TRPM6: variants seen among roughly 807,000 people sequenced by gnomAD.
TRPM6 encodes the protein transient receptor potential cation channel subfamily M member 6.
TRPM6 carries 111 observed loss-of-function variants against 247.6 expected under a neutral mutation model. The observed-to-expected ratio is 0.45, with a 90% CI of 0.38 to 0.52. The LOEUF (loss-of-function observed/expected upper bound fraction) is 0.52. Among genes scored for constraint, TRPM6 ranks in the 20% least tolerant of loss-of-function variants. The probability of loss-of-function intolerance (pLI) is 0.00; values close to 1 mark genes in which losing one functional copy is unlikely to be tolerated. For synonymous variants in TRPM6, 892 were observed against 853.8 expected, an observed-to-expected ratio of 1.04 and a Z score of -0.78; for missense variants, 2,126 against 2,421.5, an observed-to-expected ratio of 0.88 and a Z score of 2.56.
Position 74,801,947 on chromosome 9 carries a change from C to G in TRPM6, c.1960G>C (p.Glu654Gln), listed in dbSNP as rs1289919720. ...GAGGCATCATCCACCATGTGACTCTCCTTAGCTTCATGGGCCATTGCCCGG... is the reference window on the plus strand; with the variant it reads ...GAGGCATCATCCACCATGTGACTCTGCTTAGCTTCATGGGCCATTGCCCGG... ...LYRAMAHEAK[E>Q]SHMVDDASEE... Residue 654 changes from glutamate to glutamine, a missense_variant, in exon 16 of 39, where the codon GAG becomes CAG. Physicochemically the swap from Glu to Gln is conservative, Grantham distance 29 (BLOSUM62 2). Around this residue, in one of 3 missense-constraint regions of TRPM6, gnomAD observed 1,082 missense variants for 1,307.9 expected, o/e 0.83. Coordinates refer to ENST00000360774, the MANE Select transcript of TRPM6 (RefSeq NM_017662.5). 3 of 1,614,242 alleles carry G rather than the reference C, an allele frequency of 1.9e-6. No individual in the cohort carries two copies. In the East Asian group the frequency reaches 6.7e-5, roughly 36 times the overall value.
At chr9:74,855,815 T>A (rs1223251997) in intron 2 of TRPM6, among the ~76,000 whole-genome samples, 3 of 152,190 alleles carry the variant, frequency 2.0e-5, no homozygotes, top group Non-Finnish European at 4.4e-5. Context: ...ATTTAACAAT[T>A]ACTCTAAGCC....
intron 1 of TRPM6, among the ~76,000 whole-genome samples, chr9:74,862,381 G>A (rs968633371): frequency 3.9e-5 from 6 of 152,128 alleles, no homozygotes; most frequent in South Asian, 4.1e-4. Flanking sequence ...CAGCTATCAT[G>A]GCAGTCTTCA....
chr9:74,822,868 T>A (rs1318055901), intron 7 of TRPM6, among the ~76,000 whole-genome samples: 1 of 152,144 alleles, frequency 6.6e-6, no homozygotes, highest in Non-Finnish European at 1.5e-5. Context: ...ATACATATTT[T>A]ATATGTATAT....
chr9:74,772,235 G>A (rs41308884), intron 24 of TRPM6, among the ~76,000 whole-genome samples: 7 of 152,256 alleles, frequency 4.6e-5, no homozygotes, highest in Non-Finnish European at 1.0e-4. Flanking sequence ...CTGTGATCAC[G>A]CCACTACACT....
chr9:74,830,402 T>C (rs1829502968), intron 6 of TRPM6, among the ~76,000 whole-genome samples: 1 of 152,100 alleles, frequency 6.6e-6, no homozygotes, highest in Non-Finnish European at 1.5e-5. Context: ...GTTTGTTTTG[T>C]TTTTTTCTTT....
intron 1 of TRPM6, among the ~76,000 whole-genome samples, chr9:74,870,928 G>A (rs768962142): frequency 9.3e-5 from 14 of 150,810 alleles, no homozygotes; most frequent in Admixed American, 5.3e-4. Context: ...GAGATACTCC[G>A]TCTCAAAAAA....
intron 24 of TRPM6, among the ~76,000 whole-genome samples, chr9:74,773,703 A>T (rs1477155902): frequency 6.6e-6 from 1 of 152,236 alleles, no homozygotes; most frequent in African/African-American, 2.4e-5. Context: ...AACTAATACA[A>T]TTCTCCAGAA....
At chr9:74,843,575 G>A (rs999380633) in intron 3 of TRPM6, among the ~76,000 whole-genome samples, 23 of 151,960 alleles carry the variant, frequency 1.5e-4, no homozygotes, top group Admixed American at 2.6e-4. Context: ...TTGGGAGGCC[G>A]AGGCGGGTGG....
intron 1 of TRPM6, among the ~76,000 whole-genome samples, chr9:74,871,230 C>A (rs764889159): frequency 3.9e-5 from 6 of 152,208 alleles, no homozygotes; most frequent in African/African-American, 7.2e-5. Flanking sequence ...GGAAGTACAT[C>A]AGGTGATACA....
chr9:74,839,444 T>C (rs1381808561), intron 5 of TRPM6, among the ~76,000 whole-genome samples: 1 of 152,050 alleles, frequency 6.6e-6, no homozygotes, highest in Admixed American at 6.6e-5. Flanking sequence ...AAAAAAAAAG[T>C]ATCTACTCAT....
chr9:74,863,865 C>G (rs1830764480), intron 1 of TRPM6, among the ~76,000 whole-genome samples: 1 of 150,872 alleles, frequency 6.6e-6, no homozygotes, highest in South Asian at 2.1e-4. Context: ...GGATTACAGG[C>G]ATGAGCCACC....
chr9:74,867,910 T>C (rs1208363457), intron 1 of TRPM6, among the ~76,000 whole-genome samples: 2 of 152,156 alleles, frequency 1.3e-5, no homozygotes, highest in Non-Finnish European at 2.9e-5. Flanking sequence ...TCCCAGCACT[T>C]TGGGAGGCCG....
intron 1 of TRPM6, among the ~76,000 whole-genome samples, chr9:74,874,896 C>G (rs1308355948): frequency 2.0e-5 from 3 of 151,570 alleles, no homozygotes; most frequent in Admixed American, 6.6e-5. Context: ...GCTGGGATTA[C>G]AGGCATGCAC....
At chr9:74,784,965 T>C (rs1827594293) in intron 21 of TRPM6, among the ~76,000 whole-genome samples, 1 of 152,020 alleles carries the variant, frequency 6.6e-6, no homozygotes, top group Admixed American at 6.6e-5. Flanking sequence ...TAAAAAATAA[T>C]TAGCTTGGCA....
intron 23 of TRPM6, among the ~76,000 whole-genome samples, chr9:74,779,376 A>T (rs1406131394): frequency 6.6e-6 from 1 of 152,186 alleles, no homozygotes; most frequent in Non-Finnish European, 1.5e-5. Context: ...AAGTTCCTAA[A>T]ATGGTTGGGC....
rs537371505 is a variant in TRPM6 at position 74,823,287 on chromosome 9, C to A, written c.842-1450G>T. ...GCTCCCTCCCCAGCTTACTAGGATG[C>A]CCAAAGAACACCACGTTGCTAAGTA... On this transcript the variant is annotated intron_variant, in intron 7 of 38. Transcript: ENST00000360774. Among the ~76,000 whole-genome samples, 183 of 152,278 alleles carry A rather than the reference C, an allele frequency of 1.2e-3. 3 individuals are homozygous for A. In the Middle Eastern group the frequency reaches 0.027, roughly 23 times the overall value.
At chr9:74,734,569 A>C (rs1350088234) in intron 36 of TRPM6, among the ~76,000 whole-genome samples, 1 of 152,158 alleles carries the variant, frequency 6.6e-6, no homozygotes, top group Admixed American at 6.5e-5. Context: ...CTAATCTTAC[A>C]GGGTTACTGG....
At chr9:74,806,966 C>T (rs1362427325) in intron 14 of TRPM6, among the ~76,000 whole-genome samples, 1 of 152,210 alleles carries the variant, frequency 6.6e-6, no homozygotes, top group African/African-American at 2.4e-5. Context: ...CTGGGCTGCA[C>T]CAGCGCCACA....
Position 74,785,813 on chromosome 9 carries a change from A to T in TRPM6, c.2919+61T>A, listed in dbSNP as rs142887974. 34 of 1,598,648 alleles carry T rather than the reference A, an allele frequency of 2.1e-5. No homozygotes were observed. The Admixed American group carries it at 2.8e-4, about 13-fold the overall frequency. ...GCTGGGATTACAGGTGTGAGCCACC[A>T]CACCTGGCTAAAAATAATTTTAAAA... On this transcript the variant is annotated intron_variant, in intron 21 of 38. Coordinates refer to ENST00000360774, the MANE Select transcript of TRPM6 (RefSeq NM_017662.5).
Sources: gnomAD v4.1 joint callset for allele counts (sites outside exome capture counted in the v4.1 genomes callset) on GRCh38, gnomAD v4.1.1 for gene constraint, gnomAD v4.1.1 regional missense constraint, MANE v1.5 for transcripts, NCBI Gene and HGNC (gene_info 2026-07-23, HGNC 2026-07-21) for gene names.